Variants in ENPEP observed in about 807,000 individuals in gnomAD.
ENPEP encodes the protein glutamyl aminopeptidase.
In ENPEP, 103 loss-of-function variants were observed where a neutral mutation model predicts 114.5. The observed-to-expected ratio is 0.90, with a 90% confidence interval of 0.77 to 1.06. ENPEP has a LOEUF of 1.06. Among genes scored for constraint, ENPEP ranks in the 50% least tolerant of loss-of-function variants. The pLI, the probability that ENPEP is intolerant of heterozygous loss-of-function variation, is 0.00. For synonymous variants in ENPEP, 420 were observed against 422.0 expected (o/e 1.00, Z 0.06); for missense variants, 1,196 against 1,161.3 (o/e 1.03, Z -0.43).
chr4:110,477,001 T>G lies in ENPEP; in HGVS notation c.587T>G (p.Leu196Arg), dbSNP rs1362641143. Residue 196 changes from leucine to arginine, a missense_variant, in exon 1 of 20, where the codon CTG becomes CGG. Leu to Arg is a moderately radical substitution (Grantham distance 102, BLOSUM62 -2). Coordinates refer to ENST00000265162, the MANE Select transcript of ENPEP (RefSeq NM_001977.4). Reference protein sequence around the residue: ...YLLTMEFAGWLNGSLVGFYRT... With the variant: ...YLLTMEFAGWRNGSLVGFYRT... ...CTGACCATGGAGTTCGCCGGCTGGC[T>G]GAACGGCTCCCTCGTGGGATTTTAT... is the stretch of plus-strand genomic sequence containing the variant. 2 of 1,614,070 alleles carry G rather than the reference T, an allele frequency of 1.2e-6. No individual in the cohort carries two copies. Among genetic ancestry groups the G allele is most frequent in the South Asian group, 1.1e-5 (1 of 91,088 alleles).
intron 1 of ENPEP, among the ~76,000 whole-genome samples, chr4:110,484,774 A>G (rs886556270): frequency 1.4e-5 from 2 of 147,334 alleles, no homozygotes; most frequent in African/African-American, 4.9e-5. Context: ...ATTATATTAT[A>G]TATATATATA....
chr4:110,490,789 C>G (rs1724678462), intron 2 of ENPEP, among the ~76,000 whole-genome samples: 1 of 152,162 alleles, frequency 6.6e-6, no homozygotes, highest in South Asian at 2.1e-4. Flanking sequence ...ATAGTCCACT[C>G]AAAATTTTAT....
chr4:110,545,913 C>A (rs1727036567), intron 13 of ENPEP, among the ~76,000 whole-genome samples: 1 of 151,954 alleles, frequency 6.6e-6, no homozygotes, highest in African/African-American at 2.4e-5. Context: ...GCCAAATAGC[C>A]TCTCATCTTT....
chr4:110,492,300 C>T (rs1724754808), intron 3 of ENPEP, among the ~76,000 whole-genome samples: 1 of 152,132 alleles, frequency 6.6e-6, no homozygotes, highest in Non-Finnish European at 1.5e-5. Flanking sequence ...GTGGTAGAAA[C>T]TTAAATTCCA....
chr4:110,508,717 T>A (rs1029754381), intron 4 of ENPEP, among the ~76,000 whole-genome samples: 3 of 151,932 alleles, frequency 2.0e-5, no homozygotes, highest in Non-Finnish European at 2.9e-5. Context: ...AGGCCGAGGC[T>A]GGAGAATGGC....
chr4:110,564,708 T>G lies in ENPEP; in HGVS notation c.*3150T>G, dbSNP rs558712335. The G allele has an allele frequency of 6.6e-6, 1 of 152,290 alleles. No homozygotes were observed. The highest frequency in any genetic ancestry group is 2.4e-5 in the African/African-American group (1 of 41,576). The allele number at this position is 152,290 out of a possible 1,614,324, so 9.4% of individuals were successfully genotyped here. On this transcript the variant is annotated 3_prime_UTR_variant, in exon 20 of 20. Transcript: ENST00000265162. Reference sequence around the variant, plus strand: ...GTAATTGCCCTGGTCTGGAAGAGGATTCTATATCCTACCCCATTGTAGTCT... The same window carrying G: ...GTAATTGCCCTGGTCTGGAAGAGGAGTCTATATCCTACCCCATTGTAGTCT...
intron 3 of ENPEP, among the ~76,000 whole-genome samples, chr4:110,496,958 C>T (rs553570203): frequency 1.3e-5 from 2 of 152,262 alleles, no homozygotes; most frequent in Admixed American, 1.3e-4. Context: ...AAATGCAGTC[C>T]ACACCCAAGG....
intron 3 of ENPEP, among the ~76,000 whole-genome samples, chr4:110,492,725 T>C (rs1379154172): frequency 2.0e-5 from 3 of 152,212 alleles, no homozygotes; most frequent in Admixed American, 6.5e-5. Context: ...TTGTTTTTTC[T>C]AGATTGTGCT....
intron 6 of ENPEP, 33 bp downstream of exon 6, chr4:110,510,391 C>CT (rs764816931): frequency 5.2e-6 from 8 of 1,552,544 alleles, no homozygotes; most frequent in Non-Finnish European, 7.1e-6. Flanking sequence ...TGAAATCTCT[C>CT]TTTTCCTCAT....
intron 14 of ENPEP, 87 bp downstream of exon 14, chr4:110,548,413 G>C: frequency 1.7e-6 from 2 of 1,169,542 alleles, no homozygotes. Context: ...AGCTCTTGGG[G>C]ACCTAAACCA....
rs1450248965 is a variant in ENPEP at position 110,561,525 on chromosome 4, A to G, written c.2841A>G (p.Arg947=). 6.2e-7 allele frequency: 1 copy of G among 1,613,716 alleles called. No homozygotes were observed. The highest frequency in any genetic ancestry group is 8.5e-7 in the Non-Finnish European group (1 of 1,179,782). ...EWLKQHRNTI[R]EWFFNLLESG is the part of the protein sequence containing the mutation. ...TAAAACAACATAGAAACACCATCAGAGAATGGTTTTTTAATTTACTTGAGA... is the reference window on the plus strand; with the variant it reads ...TAAAACAACATAGAAACACCATCAGGGAATGGTTTTTTAATTTACTTGAGA... Residue 947 remains arginine (R), a synonymous_variant, in exon 20 of 20, where the codon AGA becomes AGG. Coordinates refer to ENST00000265162, the MANE Select transcript of ENPEP (RefSeq NM_001977.4).
chr4:110,476,341 A>T lies in ENPEP; in HGVS notation c.-74A>T, dbSNP rs1724094834. 6.8e-7 allele frequency: 1 copy of T among 1,479,790 alleles called. No individual in the cohort carries two copies. The highest frequency in any genetic ancestry group is 1.4e-5 in the African/African-American group (1 of 71,212). The allele number at this position is 1,479,790 out of a possible 1,614,324, so 91.7% of individuals were successfully genotyped here. A position where few individuals can be genotyped will look rare whatever the true frequency, so the allele number is the denominator to read the frequency against. ...AATCAGGGGATTCCTTCCAATTTAA[A>T]AAGGAAGTCTGCTGACGTTAGTTAG... On this transcript the variant is annotated 5_prime_UTR_variant, in exon 1 of 20. Coordinates refer to ENST00000265162, the MANE Select transcript of ENPEP (RefSeq NM_001977.4).
At chr4:110,530,141 A>C (rs1028454234) in intron 10 of ENPEP, among the ~76,000 whole-genome samples, 1 of 152,142 alleles carries the variant, frequency 6.6e-6, no homozygotes, top group Admixed American at 6.6e-5. Context: ...AGTGTCCACT[A>C]TAAGGCCCAA....
At chr4:110,519,856 A>G (rs1227459375) in intron 8 of ENPEP, 152 bp from the exon 9 acceptor site, 7 of 596,832 alleles carry the variant, frequency 1.2e-5, no homozygotes, top group Non-Finnish European at 2.1e-5. Context: ...TCAAATATCA[A>G]TGCAACAGCC....
chr4:110,521,697 T>C (rs574057628), intron 10 of ENPEP, among the ~76,000 whole-genome samples: 2 of 152,116 alleles, frequency 1.3e-5, no homozygotes, highest in Non-Finnish European at 2.9e-5. Flanking sequence ...AAAGGACAAA[T>C]TGAGAACACA....
chr4:110,500,198 G>A (rs1725099984), intron 3 of ENPEP: 1 of 152,150 alleles, frequency 6.6e-6, no homozygotes, highest in African/African-American at 2.4e-5. Context: ...ATGGACTTAA[G>A]TTCTATCTCT....
intron 8 of ENPEP, chr4:110,519,065 TCCTTTG>T (rs1370521236): frequency 2.2e-6 from 1 of 455,788 alleles, no homozygotes; most frequent in East Asian, 6.9e-5. Context: ...GCTTCTCCCT[TCCTTTG>T]CCTGCCCTCT....
At chr4:110,509,932 C>T in intron 5 of ENPEP, 125 bp downstream of exon 5, 1 of 1,291,784 alleles carries the variant, frequency 7.7e-7, no homozygotes, top group Non-Finnish European at 1.0e-6. Context: ...GCATGAAAAT[C>T]TTTCTTGGTA....
chr4:110,505,791 G>A (rs1397958495), intron 3 of ENPEP, among the ~76,000 whole-genome samples: 3 of 152,174 alleles, frequency 2.0e-5, no homozygotes, highest in Non-Finnish European at 4.4e-5. Context: ...CTGAGGTACT[G>A]CTTCCTCTTT....
Sources: gnomAD v4.1 joint callset for allele counts (sites outside exome capture counted in the v4.1 genomes callset) on GRCh38, gnomAD v4.1.1 for gene constraint, MANE v1.5 for transcripts, NCBI Gene and HGNC (gene_info 2026-07-23, HGNC 2026-07-21) for gene names.